Variants in INVS observed in about 807,000 individuals in gnomAD.
INVS encodes inversion of embryo turning homolog.
INVS carries 86 observed loss-of-function variants against 108.8 expected under a neutral mutation model. The ratio of observed to expected loss-of-function variants is 0.79; its 90% CI spans 0.66 to 0.95. INVS has a LOEUF of 0.95. INVS is among the 40% of genes least tolerant of loss of function. The probability of loss-of-function intolerance (pLI) is 0.00; values close to 1 mark genes in which losing one functional copy is unlikely to be tolerated. For missense variants in INVS, 1,169 were observed against 1,297.4 expected (o/e 0.90, Z 1.52); for synonymous variants, 455 against 473.5 (o/e 0.96, Z 0.51).
intron 13 of INVS, among the ~76,000 whole-genome samples, chr9:100,290,882 T>C (rs927103298): frequency 4.5e-4 from 69 of 152,090 alleles, no homozygotes; most frequent in African/African-American, 1.6e-3. Context: ...GGATAATTGT[T>C]TTTTTGTTTT....
chr9:100,112,142 T>C (rs1332973961), intron 2 of INVS, among the ~76,000 whole-genome samples: 1 of 152,086 alleles, frequency 6.6e-6, no homozygotes, highest in Non-Finnish European at 1.5e-5. Flanking sequence ...CAGCTAATTT[T>C]TGTATTTTTA....
intron 1 of INVS, among the ~76,000 whole-genome samples, chr9:100,100,232 C>T (rs1320881332): frequency 4.6e-5 from 7 of 151,180 alleles, no homozygotes. Flanking sequence ...TACATTTTTT[C>T]TTAAGAAAAA....
intron 3 of INVS, among the ~76,000 whole-genome samples, chr9:100,163,371 T>A (rs2119018381): frequency 6.6e-6 from 1 of 152,188 alleles, no homozygotes; most frequent in African/African-American, 2.4e-5. Flanking sequence ...GAATTCAGAA[T>A]TTAAAAAGCA....
chr9:100,168,073 A>G (rs1415791452), intron 3 of INVS, among the ~76,000 whole-genome samples: 1 of 151,782 alleles, frequency 6.6e-6, no homozygotes, highest in Non-Finnish European at 1.5e-5. Flanking sequence ...TTAAATAGCC[A>G]CAGACTGTCC....
At chr9:100,129,444 G>T (rs1379791873) in intron 3 of INVS, among the ~76,000 whole-genome samples, 2 of 151,910 alleles carry the variant, frequency 1.3e-5, no homozygotes, top group Non-Finnish European at 2.9e-5. Context: ...AGTGAGGAGA[G>T]ATCATACCAC....
intron 3 of INVS, among the ~76,000 whole-genome samples, chr9:100,136,377 A>C (rs1012926634): frequency 6.6e-6 from 1 of 152,178 alleles, no homozygotes; most frequent in Non-Finnish European, 1.5e-5. Context: ...GTAGACTTCA[A>C]ACTGTTTTAT....
At position 100,099,305 on chromosome 9, in the gene INVS, G is replaced by T. The variant is rs1008210608; in HGVS notation, c.-136G>T. 1.7e-4 allele frequency: 27 copies of T among 158,934 alleles called. No homozygotes were observed. Among genetic ancestry groups the T allele is most frequent in the Non-Finnish European group, 7.0e-5 (5 of 71,650 alleles). The allele number at this position is 158,934 out of a possible 1,614,324, so 9.8% of individuals were successfully genotyped here. A position where few individuals can be genotyped will look rare whatever the true frequency, so the allele number is the denominator to read the frequency against. On this transcript the variant is annotated 5_prime_UTR_variant, in exon 1 of 17. Coordinates refer to ENST00000262457, the MANE Select transcript of INVS (RefSeq NM_014425.5). ...GAGGGGCTCGGCTAGCTTCAGCGCC[G>T]TGGGGTCTGACCTGGCTGGATATAG...
At chr9:100,105,735 C>G (rs190755962) in intron 2 of INVS, among the ~76,000 whole-genome samples, 10 of 152,196 alleles carry the variant, frequency 6.6e-5, no homozygotes, top group African/African-American at 2.2e-4. Flanking sequence ...ACTGAGACCT[C>G]CAATCCACTA....
chr9:100,292,860 C>T lies in INVS; in HGVS notation c.2603C>T (p.Ser868Phe), dbSNP rs1300344847. 1 of 1,614,052 alleles carries T rather than the reference C, an allele frequency of 6.2e-7. No individual in the cohort carries two copies. The highest frequency in any genetic ancestry group is 1.3e-5 in the African/African-American group (1 of 74,906). Residue 868 changes from serine to phenylalanine, a missense_variant, in exon 14 of 17, where the codon TCC (serine) becomes TTC (phenylalanine). Physicochemically the swap from Ser to Phe is radical, Grantham distance 155. Coordinates refer to ENST00000262457, the MANE Select transcript of INVS (RefSeq NM_014425.5). Reference protein sequence around the residue: ...GARRLETSTLSEDFQVSKETD... With the variant: ...GARRLETSTLFEDFQVSKETD... ...AGGAGGCTGGAGACATCTACCCTGT[C>T]CGAGGACTTTCAGGTATCTAAGGAG... is the stretch of plus-strand genomic sequence containing the variant.
chr9:100,286,788 A>G (rs1833458982), intron 13 of INVS, among the ~76,000 whole-genome samples: 1 of 152,180 alleles, frequency 6.6e-6, no homozygotes, highest in Admixed American at 6.5e-5. Flanking sequence ...TATCAGGGAT[A>G]ATGTTTCTTC....
At chr9:100,221,092 T>C (rs1831133472) in intron 3 of INVS, among the ~76,000 whole-genome samples, 1 of 152,152 alleles carries the variant, frequency 6.6e-6, no homozygotes, top group Admixed American at 6.5e-5. Context: ...TATTTAGACT[T>C]TCTGTAATGA....
intron 3 of INVS, among the ~76,000 whole-genome samples, chr9:100,163,718 T>C (rs1178735684): frequency 1.3e-5 from 2 of 152,064 alleles, no homozygotes; most frequent in Admixed American, 1.3e-4. Flanking sequence ...ACTTAAAGAT[T>C]ATGAAGGAAC....
At chr9:100,186,386 C>T (rs759149762) in intron 3 of INVS, among the ~76,000 whole-genome samples, 4 of 152,010 alleles carry the variant, frequency 2.6e-5, no homozygotes, top group Non-Finnish European at 5.9e-5. Flanking sequence ...CTCCTGACAT[C>T]ATGATCCACC....
chr9:100,222,193 C>G (rs1259373064), intron 3 of INVS, among the ~76,000 whole-genome samples: 3 of 152,172 alleles, frequency 2.0e-5, no homozygotes, highest in African/African-American at 7.2e-5. Flanking sequence ...TTGTTGAATA[C>G]TACACACTGG....
intron 12 of INVS, 139 bp downstream of exon 12, chr9:100,273,215 T>G (rs1833008983): frequency 4.1e-6 from 3 of 725,750 alleles, no homozygotes; most frequent in Non-Finnish European, 7.4e-6. Context: ...CCGGTCATCT[T>G]CCCTCTTCTC....
At chr9:100,163,558 A>G (rs1180786429) in intron 3 of INVS, among the ~76,000 whole-genome samples, 1 of 152,206 alleles carries the variant, frequency 6.6e-6, no homozygotes, top group Non-Finnish European at 1.5e-5. Flanking sequence ...ACAAGCGAAT[A>G]CATTTTTAAA....
intron 3 of INVS, among the ~76,000 whole-genome samples, chr9:100,138,788 C>T (rs1354877952): frequency 9.5e-5 from 14 of 147,546 alleles, no homozygotes; most frequent in African/African-American, 3.2e-4. Context: ...CTCACTGCAA[C>T]GTCTGCCTCC....
chr9:100,137,296 T>C (rs938771866), intron 3 of INVS, among the ~76,000 whole-genome samples: 3 of 152,196 alleles, frequency 2.0e-5, no homozygotes, highest in Non-Finnish European at 4.4e-5. Context: ...ACCTTAGGAA[T>C]ATAGGGGACC....
chr9:100,189,800 G>A (rs559761485), intron 3 of INVS, among the ~76,000 whole-genome samples: 24 of 151,924 alleles, frequency 1.6e-4, no homozygotes, highest in African/African-American at 5.8e-4. Context: ...ATGTCGGCCA[G>A]GTTGGTCTTG....
Sources: allele counts gnomAD v4.1 joint callset (sites outside exome capture counted in the v4.1 genomes callset), GRCh38; gene constraint gnomAD v4.1.1; transcripts MANE v1.5; gene names NCBI Gene and HGNC (gene_info 2026-07-23, HGNC 2026-07-21).